The following RORC variants were observed in gnomAD, a reference collection of about 807,000 sequenced individuals.
The protein encoded by RORC is RAR related orphan receptor C, also known as nuclear receptor ROR-gamma.
In RORC, 13 loss-of-function variants were observed where a neutral mutation model predicts 64.5. The observed-to-expected ratio is 0.20, with a 90% CI of 0.13 to 0.32. The LOEUF (loss-of-function observed/expected upper bound fraction) is 0.32. Among genes scored for constraint, RORC ranks in the 10% least tolerant of loss-of-function variants. The pLI is 1.00. For synonymous variants in RORC, 277 were observed against 259.3 expected, an observed-to-expected ratio of 1.07 and a Z score of -0.65; for missense variants, 468 against 669.5, an observed-to-expected ratio of 0.70 and a Z score of 3.32.
intron 2 of RORC, among the ~76,000 whole-genome samples, chr1:151,818,850 G>A (rs1651874826): frequency 6.6e-6 from 1 of 152,204 alleles, no homozygotes; most frequent in African/African-American, 2.4e-5. Flanking sequence ...CTGTTGATGT[G>A]AAGTGGGCAG....
rs756789106 is a variant in RORC, at chr1:151,815,029, C to T, written c.695G>A (p.Arg232His). ...CCCAGGATGCCTGTGTTCCTCAAAA[C>T]GAAGTCCACATCGGTCAGGGGTCAG... ...SQLTPDRCGL[R>H]FEEHRHPGLG... Residue 232 changes from arginine to histidine, a missense_variant, in exon 5 of 11, where the codon CGT becomes CAT. Physicochemically the swap from Arg to His is conservative, Grantham distance 29. Transcript: ENST00000318247. 18 of 1,614,240 alleles carry T rather than the reference C, an allele frequency of 1.1e-5. No individual in the cohort carries two copies. Among genetic ancestry groups the T allele is most frequent in the Middle Eastern group, 1.6e-4 (1 of 6,062 alleles).
rs1651368117 is a variant in RORC, at chr1:151,807,659, A to C, written c.1396-26T>G. On this transcript the variant is annotated intron_variant, in intron 10 of 10. Coordinates refer to ENST00000318247, the MANE Select transcript of RORC (RefSeq NM_005060.4). The surrounding 1 kb of genome is among the most constrained non-coding windows in gnomAD (Gnocchi z 5.0). ...CTGGATATGGGTTAATGGGGAAGGG[A>C]GGGTCAATACTTCAGCTCTCCTCAG... is the stretch of plus-strand genomic sequence containing the variant. 6.2e-7 allele frequency: 1 copy of C among 1,612,622 alleles called. No homozygotes were observed. The highest frequency in any genetic ancestry group is 1.1e-5 in the South Asian group (1 of 90,952).
At chr1:151,828,470 C>T (rs922259409) in intron 2 of RORC, among the ~76,000 whole-genome samples, 7 of 152,174 alleles carry the variant, frequency 4.6e-5, no homozygotes, top group Non-Finnish European at 1.5e-5. Context: ...TATTCACTAG[C>T]GTCCACTGGG....
intron 10 of RORC, among the ~76,000 whole-genome samples, chr1:151,809,467 T>C (rs1390957531): frequency 2.0e-5 from 3 of 151,790 alleles, no homozygotes; most frequent in African/African-American, 4.8e-5. Flanking sequence ...CATGATGAGA[T>C]TGCATTTTTA....
intron 2 of RORC, among the ~76,000 whole-genome samples, chr1:151,821,732 T>C (rs1285764889): frequency 2.6e-5 from 4 of 152,122 alleles, no homozygotes; most frequent in Non-Finnish European, 4.4e-5. Flanking sequence ...GACGCCCAAA[T>C]GCACACCGGA....
chr1:151,814,409 C>T (rs998627410), intron 6 of RORC, 165 bp downstream of exon 6: 2 of 667,682 alleles, frequency 3.0e-6, no homozygotes, highest in Non-Finnish European at 5.1e-6. Context: ...TAGACAGATA[C>T]ACACATTCGC....
chr1:151,817,110 C>T lies in RORC; in HGVS notation c.156+85G>A. On this transcript the variant is annotated intron_variant, in intron 3 of 10. Coordinates refer to ENST00000318247, the MANE Select transcript of RORC (RefSeq NM_005060.4). ...ACCCCCTTGTTTATCTCTAAGGAGACACTGTGTGTGTGTGTGTGTGTGCGC... is the reference window on the plus strand; with the variant it reads ...ACCCCCTTGTTTATCTCTAAGGAGATACTGTGTGTGTGTGTGTGTGTGCGC... The T allele has an allele frequency of 5.9e-5, 11 of 186,176 alleles. No individual in the cohort carries two copies. In the South Asian group the frequency reaches 1.9e-3, roughly 33 times the overall value. The allele number at this position is 186,176 out of a possible 1,614,324, so 11.5% of individuals were successfully genotyped here.
Position 151,830,877 on chromosome 1 carries a change from T to C in RORC, c.40+848A>G. On this transcript the variant is annotated intron_variant, in intron 1 of 10. Coordinates refer to ENST00000318247, the MANE Select transcript of RORC (RefSeq NM_005060.4). This position sits in a 1 kb window ranked among gnomAD's most constrained non-coding sequence, Gnocchi z 4.0. Reference sequence around the variant, plus strand: ...TGACGTGGCACCGGCTCCTGGCCTCTAGCCTTGCACCTCAGAGCAGTCCTG... The same window carrying C: ...TGACGTGGCACCGGCTCCTGGCCTCCAGCCTTGCACCTCAGAGCAGTCCTG... 4.1e-6 allele frequency: 5 copies of C among 1,215,612 alleles called. No homozygotes were observed. The highest frequency in any genetic ancestry group is 5.3e-6 in the Non-Finnish European group (5 of 936,498). The allele number at this position is 1,215,612 out of a possible 1,614,324, so 75.3% of individuals were successfully genotyped here. A position where few individuals can be genotyped will look rare whatever the true frequency, so the allele number is the denominator to read the frequency against.
chr1:151,810,191 A>AT (rs1017929036), intron 10 of RORC, among the ~76,000 whole-genome samples: 6 of 151,718 alleles, frequency 4.0e-5, no homozygotes, highest in East Asian at 1.9e-4. Flanking sequence ...CATCTCATCC[A>AT]TTTTTTTGGT....
In RORC at chr1:151,831,598, G is replaced by A. The variant is rs1652420676; in HGVS notation, c.40+127C>T. The A allele has an allele frequency of 3.2e-6, 5 of 1,580,878 alleles. No individual in the cohort carries two copies. In the South Asian group the frequency reaches 5.6e-5, roughly 18 times the overall value. On this transcript the variant is annotated intron_variant, in intron 1 of 10. Transcript: ENST00000318247. The stretch of plus-strand genomic sequence containing the variant: ...CAGTTTCACTCCCTGCCAACCCAGG[G>A]CTTTCTCCTCTGCACTCTTGTCCCT...
At position 151,826,175 on chromosome 1, in the gene RORC, A is replaced by G. The variant is rs1246726416; in HGVS notation, c.70+3254T>C. On this transcript the variant is annotated intron_variant, in intron 2 of 10. Coordinates refer to ENST00000318247, the MANE Select transcript of RORC (RefSeq NM_005060.4). Reference sequence around the variant, plus strand: ...ACCCCCAAGGGGTGCAGTGAGTAGGATGACAGGCGCCCCACGTGGCCAATC... The same window carrying G: ...ACCCCCAAGGGGTGCAGTGAGTAGGGTGACAGGCGCCCCACGTGGCCAATC... The G allele has an allele frequency of 2.8e-6, 3 of 1,090,362 alleles. No homozygotes were observed. The African/African-American group carries it at 4.9e-5, about 18-fold the overall frequency. The allele number at this position is 1,090,362 out of a possible 1,614,324, so 67.5% of individuals were successfully genotyped here.
intron 2 of RORC, chr1:151,825,990 G>A (rs1038591906): frequency 6.2e-6 from 10 of 1,609,714 alleles, no homozygotes; most frequent in South Asian, 1.1e-5. Flanking sequence ...AGCAGGGGGT[G>A]GTCCAGGAGT....
intron 4 of RORC, among the ~76,000 whole-genome samples, chr1:151,815,964 C>T (rs1651738550): frequency 6.6e-6 from 1 of 152,256 alleles, no homozygotes; most frequent in Admixed American, 6.5e-5. Context: ...CCCCGCCACC[C>T]CTCCCAGGTG....
At chr1:151,826,795 T>G (rs538835889) in intron 2 of RORC, among the ~76,000 whole-genome samples, 1 of 152,298 alleles carries the variant, frequency 6.6e-6, no homozygotes. Context: ...GTTCTCGATG[T>G]TTTATGTGGA....
chr1:151,810,503 T>C (rs1164249819), intron 10 of RORC, among the ~76,000 whole-genome samples: 1 of 151,812 alleles, frequency 6.6e-6, no homozygotes, highest in Admixed American at 6.6e-5. Context: ...TGCATTTAAG[T>C]CACTGAAGTC....
In RORC at chr1:151,807,532, A is replaced by G; in HGVS notation, c.1497T>C (p.Pro499=). Residue 499 remains proline (P), a synonymous_variant, in exon 11 of 11, where the codon CCT becomes CCC. Transcript: ENST00000318247. This position sits in a 1 kb window ranked among gnomAD's most constrained non-coding sequence, Gnocchi z 5.0. Reference sequence around the variant, plus strand: ...TGCTGAAGAGCTCCTTGTAGAGTGGAGGGAAAGCGGCTTGGACCACGATGG... The same window carrying G: ...TGCTGAAGAGCTCCTTGTAGAGTGGGGGGAAAGCGGCTTGGACCACGATGG... The part of the protein sequence containing the change: ...LHPIVVQAAF[P]PLYKELFSTE... The G allele has an allele frequency of 1.2e-6, 2 of 1,614,086 alleles. No individual in the cohort carries two copies. The highest frequency in any genetic ancestry group is 1.7e-6 in the Non-Finnish European group (2 of 1,179,944).
intron 2 of RORC, among the ~76,000 whole-genome samples, chr1:151,823,244 ACCAAAC>A (rs1244911500): frequency 6.6e-6 from 1 of 151,976 alleles, no homozygotes; most frequent in African/African-American, 2.4e-5. Flanking sequence ...CATGATCATG[ACCAAAC>A]CTAAGAAAGA....
At chr1:151,816,513 G>T (rs1651759705) in intron 4 of RORC, 151 bp downstream of exon 4, 1 of 793,106 alleles carries the variant, frequency 1.3e-6, no homozygotes, top group Non-Finnish European at 1.9e-6. Context: ...CATCCCTGGA[G>T]GGGAGGAGAC....
chr1:151,814,417 C>T lies in RORC; in HGVS notation c.933+157G>A, dbSNP rs975378759. 2.2e-4 allele frequency: 150 copies of T among 695,748 alleles called. No homozygotes were observed. In the Middle Eastern group the frequency reaches 2.3e-3, roughly 11 times the overall value. The allele number at this position is 695,748 out of a possible 1,614,324, so 43.1% of individuals were successfully genotyped here. On this transcript the variant is annotated intron_variant, in intron 6 of 10. Coordinates refer to ENST00000318247, the MANE Select transcript of RORC (RefSeq NM_005060.4). ...TGGGGTGTAGACAGATACACACATT[C>T]GCAACTGTACATAAAAGGTGTGCAC... is the stretch of plus-strand genomic sequence containing the variant.
Sources: allele counts gnomAD v4.1 joint callset (sites outside exome capture counted in the v4.1 genomes callset), GRCh38; gene constraint gnomAD v4.1.1; non-coding constraint Gnocchi (gnomAD v3.1); transcripts MANE v1.5; gene names NCBI Gene and HGNC (gene_info 2026-07-23, HGNC 2026-07-21).